SLC35F3: variants seen among roughly 807,000 people sequenced by gnomAD.
The protein encoded by SLC35F3 is putative thiamine transporter SLC35F3.
Under a neutral mutation model 49.9 loss-of-function variants are expected in SLC35F3, and 25 were observed. That is an observed-to-expected ratio of 0.50 (90% CI 0.37 to 0.70). SLC35F3 has a LOEUF of 0.70. SLC35F3 is among the 30% of genes least tolerant of loss of function. The probability of loss-of-function intolerance (pLI) is 0.00; values close to 1 mark genes in which losing one functional copy is unlikely to be tolerated. For synonymous variants in SLC35F3, 275 were observed against 265.4 expected (o/e 1.04, Z -0.35); for missense variants, 525 against 639.8 (o/e 0.82, Z 1.94).
chr1:234,137,946 G>A (rs1364875916), intron 2 of SLC35F3, among the ~76,000 whole-genome samples: 2 of 152,316 alleles, frequency 1.3e-5, no homozygotes, highest in East Asian at 1.9e-4. Flanking sequence ...GAGTGGGGCA[G>A]AGGGTGGTGA....
intron 2 of SLC35F3, among the ~76,000 whole-genome samples, chr1:234,223,977 GTC>G (rs1205047356): frequency 2.6e-5 from 4 of 152,106 alleles, no homozygotes; most frequent in Non-Finnish European, 5.9e-5. Flanking sequence ...ACTCCCTGAT[GTC>G]TCTTCTTATA....
intron 3 of SLC35F3, among the ~76,000 whole-genome samples, chr1:234,250,614 A>T (rs1218205220): frequency 6.8e-6 from 1 of 146,294 alleles, no homozygotes; most frequent in East Asian, 2.0e-4. Context: ...AGATCCCGCC[A>T]CTGCACTCCA....
intron 2 of SLC35F3, among the ~76,000 whole-genome samples, chr1:234,074,472 T>A (rs1664764724): frequency 6.6e-6 from 1 of 152,144 alleles, no homozygotes. Flanking sequence ...CCATGACAGC[T>A]CAACCCATGC....
chr1:234,181,352 A>AAAG (rs1666554498), intron 2 of SLC35F3, among the ~76,000 whole-genome samples: 1 of 151,152 alleles, frequency 6.6e-6, no homozygotes, highest in Admixed American at 6.6e-5. Flanking sequence ...AAAAAAAAAA[A>AAAG]AAAGAAAGAA....
intron 2 of SLC35F3, chr1:234,213,322 C>T (rs1249782263): frequency 6.6e-6 from 1 of 152,220 alleles, no homozygotes; most frequent in East Asian, 1.9e-4. Context: ...ACAATAATAA[C>T]AAAACCCACC....
chr1:234,075,630 C>T (rs1355284353), intron 2 of SLC35F3, among the ~76,000 whole-genome samples: 1 of 152,106 alleles, frequency 6.6e-6, no homozygotes, highest in Non-Finnish European at 1.5e-5. Context: ...GTAGAGCAGT[C>T]AGGAGTAAAT....
chr1:234,197,862 T>C (rs1666839382), intron 2 of SLC35F3, among the ~76,000 whole-genome samples: 1 of 152,370 alleles, frequency 6.6e-6, no homozygotes, highest in Non-Finnish European at 1.5e-5. Context: ...ATAACACATC[T>C]GTTGTGTTGA....
intron 2 of SLC35F3, among the ~76,000 whole-genome samples, chr1:234,015,347 CA>C (rs34202675): frequency 0.03 from 4,020 of 132,260 alleles, 112 homozygotes; most frequent in East Asian, 0.16. Flanking sequence ...GACTCTATAT[CA>C]AAAAAAAAAA....
chr1:234,287,220 A>T (rs568502296), intron 3 of SLC35F3, among the ~76,000 whole-genome samples: 3 of 152,270 alleles, frequency 2.0e-5, no homozygotes, highest in East Asian at 1.9e-4. Context: ...TAAAAATTTA[A>T]AAAGCAACTA....
intron 2 of SLC35F3, among the ~76,000 whole-genome samples, chr1:233,935,954 T>G (rs1662320250): frequency 6.6e-6 from 1 of 152,196 alleles, no homozygotes. Context: ...TGAATTCAGT[T>G]TGTTTGCCTT....
intron 2 of SLC35F3, among the ~76,000 whole-genome samples, chr1:234,142,435 C>A (rs1204304400): frequency 6.6e-6 from 1 of 152,120 alleles, no homozygotes; most frequent in Non-Finnish European, 1.5e-5. Flanking sequence ...GCCGTTTTGT[C>A]CACTGCGGTG....
intron 3 of SLC35F3, among the ~76,000 whole-genome samples, chr1:234,250,347 C>A (rs899091020): frequency 1.3e-5 from 2 of 152,220 alleles, no homozygotes; most frequent in Non-Finnish European, 2.9e-5. Context: ...GAGGCTGGGT[C>A]ACTTACAAAG....
intron 2 of SLC35F3, among the ~76,000 whole-genome samples, chr1:234,160,575 G>T (rs774531522): frequency 6.6e-6 from 1 of 152,082 alleles, no homozygotes; most frequent in South Asian, 2.1e-4. Flanking sequence ...TTCCTATTAC[G>T]CCAGGACAAT....
intron 3 of SLC35F3, among the ~76,000 whole-genome samples, chr1:234,295,204 C>G (rs192298530): frequency 6.6e-6 from 1 of 152,326 alleles, no homozygotes; most frequent in East Asian, 1.9e-4. Flanking sequence ...AGGCCAAGGA[C>G]AGCAGGTGAC....
chr1:234,308,812 C>T (rs1469395345), intron 3 of SLC35F3, among the ~76,000 whole-genome samples: 1 of 151,818 alleles, frequency 6.6e-6, no homozygotes, highest in Non-Finnish European at 1.5e-5. Context: ...ATTAGGCCTT[C>T]GGGTCAGATA....
intron 2 of SLC35F3, among the ~76,000 whole-genome samples, chr1:234,164,186 T>G (rs1400430849): frequency 6.6e-6 from 1 of 151,348 alleles, no homozygotes; most frequent in Non-Finnish European, 1.5e-5. Flanking sequence ...CTCCCTTGCT[T>G]TTCTCTTTCT....
At chr1:234,082,295 G>A (rs948121017) in intron 2 of SLC35F3, among the ~76,000 whole-genome samples, 1 of 152,092 alleles carries the variant, frequency 6.6e-6, no homozygotes, top group Non-Finnish European at 1.5e-5. Context: ...ATGGCTTTAT[G>A]TATAAATAAG....
intron 2 of SLC35F3, among the ~76,000 whole-genome samples, chr1:234,024,220 T>TA (rs141020545): frequency 0.19 from 27,860 of 144,318 alleles, 2,864 homozygotes; most frequent in African/African-American, 0.28. Flanking sequence ...ACGCTTCTGA[T>TA]AAAAAAAAAA....
chr1:233,930,747 ATAAAT>A (rs1483955184), intron 2 of SLC35F3, among the ~76,000 whole-genome samples: 1 of 152,248 alleles, frequency 6.6e-6, no homozygotes, highest in Non-Finnish European at 1.5e-5. Flanking sequence ...TGTTCTTACA[ATAAAT>A]TAAGCTGTAG....
Sources: allele counts gnomAD v4.1 joint callset (sites outside exome capture counted in the v4.1 genomes callset), GRCh38; gene constraint gnomAD v4.1.1; transcripts MANE v1.5; gene names NCBI Gene and HGNC (gene_info 2026-07-23, HGNC 2026-07-21).